GNL3L: variants seen among roughly 807,000 people sequenced by gnomAD.
GNL3L encodes guanine nucleotide-binding protein-like 3-like protein.
A neutral mutation model predicts 42.9 loss-of-function variants in GNL3L; 4 were observed. That is an observed-to-expected ratio of 0.09 (90% CI 0.05 to 0.21). The LOEUF is 0.21. Among genes scored for constraint, GNL3L ranks in the 10% least tolerant of loss-of-function variants. The probability of loss-of-function intolerance (pLI) is 1.00; values close to 1 mark genes in which losing one functional copy is unlikely to be tolerated. For synonymous variants in GNL3L, 159 were observed against 176.3 expected, an observed-to-expected ratio of 0.90 and a Z score of 0.78; for missense variants, 412 against 481.7, an observed-to-expected ratio of 0.86 and a Z score of 1.36.
intron 6 of GNL3L, 49 bp downstream of exon 6, chrX:54,543,087 C>T: frequency 1.9e-6 from 2 of 1,076,102 alleles, no homozygotes; most frequent in Non-Finnish European, 2.6e-6. Context: ...TCCAGTCCAG[C>T]CCCTTTTCCT....
chrX:54,630,666 C>CTTCCTTCCTTCT, the GNL3L span, among the ~76,000 whole-genome samples: 1 of 3,875 alleles, frequency 2.6e-4, no homozygotes, highest in Admixed American at 2.8e-3. Context: ...TCCTTCTTTC[C>CTTCCTTCCTTCT]TTCCTTCCTT....
intron 16 of GNL3L, among the ~76,000 whole-genome samples, chrX:54,607,078 C>CTT (rs1452436638): frequency 3.7e-5 from 1 of 27,321 alleles, no homozygotes; most frequent in African/African-American, 2.3e-4. Flanking sequence ...CTTTCTCTTT[C>CTT]TTTCTTCTTT....
chrX:54,535,359 C>T (rs1277652885), intron 2 of GNL3L, among the ~76,000 whole-genome samples: 2 of 111,170 alleles, frequency 1.8e-5, no homozygotes, highest in African/African-American at 3.3e-5. Context: ...CCTAGTGATC[C>T]GCCCACCTCA....
In GNL3L at chrX:54,539,026, T is replaced by G; in HGVS notation, c.20-14T>G. 9.2e-7 allele frequency: 1 copy of G among 1,083,254 alleles called. No homozygotes were observed. Among genetic ancestry groups the G allele is most frequent in the African/African-American group, 1.8e-5 (1 of 54,291 alleles). 89.3% of individuals were successfully genotyped at this position (1,083,254 alleles called of 1,213,427 possible). A position where few individuals can be genotyped will look rare whatever the true frequency, so the allele number is the denominator to read the frequency against. ...TGGATGACGGCTCTTTTCTTTCTTT[T>G]TTTTCTTTTGTAGAAAATAAAAAGC... is the stretch of plus-strand genomic sequence containing the variant. On this transcript the variant is annotated splice_polypyrimidine_tract_variant and intron_variant, in intron 2 of 15. Transcript: ENST00000360845.
At chrX:54,560,163 G>T (rs770455436) in intron 15 of GNL3L, among the ~76,000 whole-genome samples, 2 of 111,431 alleles carry the variant, frequency 1.8e-5, no homozygotes, top group African/African-American at 3.3e-5. Context: ...ACATACAGCC[G>T]TGTTGCCCTT....
chrX:54,569,717 T>C (rs1215333737), downstream of GNL3L, among the ~76,000 whole-genome samples: 1 of 111,847 alleles, frequency 8.9e-6, no homozygotes, highest in Admixed American at 9.6e-5. Flanking sequence ...CACATTTTGG[T>C]TTAATTGATT....
At position 54,567,209 on chromosome X, in the gene GNL3L, T is replaced by C. The variant is rs960604616; in HGVS notation, c.*6607T>C. Among the ~76,000 whole-genome samples the C allele has an allele frequency of 8.9e-6, 1 of 112,282 alleles. No individual in the cohort carries two copies. The highest frequency in any genetic ancestry group is 1.9e-5 in the Non-Finnish European group (1 of 53,281). On this transcript the variant is annotated 3_prime_UTR_variant, in exon 16 of 16. Transcript: ENST00000360845. The stretch of plus-strand genomic sequence containing the variant: ...TAAAGTCACTTAGTTCTAGTAGCTT[T>C]TTTTGCAGATTTAACCAGACTTTCT...
chrX:54,560,527 C>T lies in GNL3L; in HGVS notation c.1674C>T (p.Ile558=), dbSNP rs1925229728. Reference sequence around the variant, plus strand: ...GTATTTCTCCATTTGCAGATAAAATCGCCAGCAAGCTGTCTGATTCCATGA... The same window carrying T: ...GTATTTCTCCATTTGCAGATAAAATTGCCAGCAAGCTGTCTGATTCCATGA... ...KKKMQKRADK[I]ASKLSDSMMS... is the part of the protein sequence containing the mutation. Residue 558 remains isoleucine, a synonymous_variant, in exon 16 of 16, where the codon ATC becomes ATT. Coordinates refer to ENST00000360845, the MANE Select transcript of GNL3L (RefSeq NM_001184819.2). The T allele has an allele frequency of 6.1e-6, 7 of 1,156,833 alleles. No homozygotes were observed. The highest frequency in any genetic ancestry group is 1.8e-5 in the South Asian group (1 of 55,424).
At chrX:54,616,562 TTTG>T (rs1329979978) in intron 16 of GNL3L, among the ~76,000 whole-genome samples, 2 of 112,122 alleles carry the variant, frequency 1.8e-5, no homozygotes, top group African/African-American at 6.5e-5. Context: ...TTAAGTAGTT[TTTG>T]TTCCCGTTTT....
chrX:54,544,529 G>A (rs1465088635), intron 8 of GNL3L, among the ~76,000 whole-genome samples: 3 of 108,107 alleles, frequency 2.8e-5, no homozygotes, highest in Non-Finnish European at 5.7e-5. Flanking sequence ...GAATGCAATG[G>A]TGTGATCTCG....
chrX:54,552,511 C>A (rs1220265354), intron 13 of GNL3L, 83 bp downstream of exon 13: 4 of 938,960 alleles, frequency 4.3e-6, no homozygotes, highest in Non-Finnish European at 6.0e-6. Context: ...TTTTGACCTC[C>A]CGCTTCCTTG....
intron 16 of GNL3L, among the ~76,000 whole-genome samples, chrX:54,588,834 G>A (rs1449284488): frequency 9.0e-6 from 1 of 111,723 alleles, no homozygotes; most frequent in African/African-American, 3.2e-5. Flanking sequence ...AGCCATATCG[G>A]CAATGCTTTA....
intron 6 of GNL3L, 45 bp from the exon 7 acceptor site, chrX:54,543,162 C>A (rs754591173): frequency 8.4e-7 from 1 of 1,191,392 alleles, no homozygotes; most frequent in African/African-American, 1.8e-5. Context: ...ATCACTGCTA[C>A]CCTATCCTTT....
chrX:54,573,222 C>T (rs1272540537), intron 16 of GNL3L, among the ~76,000 whole-genome samples: 38 of 112,896 alleles, frequency 3.4e-4, no homozygotes, highest in African/African-American at 4.5e-4. Context: ...TGTAGCGAGC[C>T]GAGATCACGC....
downstream of GNL3L, among the ~76,000 whole-genome samples, chrX:54,626,057 A>G (rs1926358292): frequency 9.0e-6 from 1 of 111,460 alleles, no homozygotes; most frequent in Non-Finnish European, 1.9e-5. Context: ...GTCTCTTCTG[A>G]CTTTTTGAAA....
chrX:54,628,215 GT>G, the GNL3L span, among the ~76,000 whole-genome samples: 1 of 58,678 alleles, frequency 1.7e-5, no homozygotes, highest in African/African-American at 2.2e-4. Flanking sequence ...ATTCCGTGGT[GT>G]GTGTGTGTGT....
chrX:54,645,083 C>T, the GNL3L span, among the ~76,000 whole-genome samples: 1 of 111,523 alleles, frequency 9.0e-6, no homozygotes, highest in African/African-American at 3.3e-5. Flanking sequence ...GTCACTAAAT[C>T]CTATTATTGT....
At chrX:54,616,464 G>C (rs1217647022) in intron 16 of GNL3L, among the ~76,000 whole-genome samples, 1 of 111,575 alleles carries the variant, frequency 9.0e-6, no homozygotes, top group African/African-American at 3.3e-5. Flanking sequence ...ACTCACTAAG[G>C]GGAAAAGTAA....
At chrX:54,633,112 T>C in the GNL3L span, among the ~76,000 whole-genome samples, 1 of 111,591 alleles carries the variant, frequency 9.0e-6, no homozygotes, top group African/African-American at 3.3e-5. Flanking sequence ...TTCGGGTCTC[T>C]TAGCCACGAA....
Sources: gnomAD v4.1 joint callset for allele counts (sites outside exome capture counted in the v4.1 genomes callset) on GRCh38, gnomAD v4.1.1 for gene constraint, MANE v1.5 for transcripts, NCBI Gene and HGNC (gene_info 2026-07-23, HGNC 2026-07-21) for gene names.